Variants in OR2L13 observed in about 807,000 individuals in gnomAD.
OR2L13 encodes olfactory receptor family 2 subfamily L member 13.
A neutral mutation model predicts 15.3 loss-of-function variants in OR2L13; 14 were observed. That is an observed-to-expected ratio of 0.91 (90% CI 0.60 to 1.43). OR2L13 has a LOEUF of 1.43. Among genes scored for constraint, OR2L13 ranks in the 40% most tolerant of loss-of-function variants. The probability of loss-of-function intolerance (pLI) is 0.00; values close to 1 mark genes in which losing one functional copy is unlikely to be tolerated. For synonymous variants in OR2L13, 152 were observed against 142.9 expected (o/e 1.06, Z -0.45); for missense variants, 367 against 387.9 (o/e 0.95, Z 0.45).
chr1:247,964,833 T>A, the OR2L13 span, among the ~76,000 whole-genome samples: 4 of 149,522 alleles, frequency 2.7e-5, no homozygotes, highest in Non-Finnish European at 5.9e-5. Context: ...ATGTTATATA[T>A]TAGCATATAT....
At chr1:248,100,837 T>C in exon 3 of OR2L13, 1 of 167,296 alleles carries the variant, frequency 6.0e-6, no homozygotes. Context: ...TGTATGTGCA[T>C]GTATGGTGTA....
the OR2L13 span, among the ~76,000 whole-genome samples, chr1:248,049,379 G>C: frequency 2.0e-5 from 3 of 152,194 alleles, no homozygotes; most frequent in African/African-American, 7.2e-5. Context: ...TTCTTCATTT[G>C]AAACTTGGGC....
the OR2L13 span, among the ~76,000 whole-genome samples, chr1:247,957,298 T>C: frequency 6.6e-6 from 1 of 152,220 alleles, no homozygotes; most frequent in African/African-American, 2.4e-5. Flanking sequence ...GAAGCCCACT[T>C]GATCATGGTG....
At chr1:248,071,429 C>CTTCAT in the OR2L13 span, among the ~76,000 whole-genome samples, 1 of 152,136 alleles carries the variant, frequency 6.6e-6, no homozygotes, top group African/African-American at 2.4e-5. Context: ...TTCAACAACT[C>CTTCAT]TTCATGCTAA....
the OR2L13 span, among the ~76,000 whole-genome samples, chr1:248,015,835 A>G: frequency 6.6e-6 from 1 of 152,328 alleles, no homozygotes; most frequent in Non-Finnish European, 1.5e-5. Context: ...TTTAAGAGGA[A>G]CAGCCATATT....
At chr1:248,094,933 G>A (rs954687921), upstream of OR2L13, among the ~76,000 whole-genome samples, 1 of 152,182 alleles carries the variant, frequency 6.6e-6, no homozygotes, top group African/African-American at 2.4e-5. Context: ...CTGAAATCAT[G>A]TACTGGAATA....
At chr1:247,965,977 C>T in the OR2L13 span, 2 of 1,610,168 alleles carry the variant, frequency 1.2e-6, no homozygotes, top group Admixed American at 3.3e-5. Flanking sequence ...TACAGTCCTC[C>T]TGAGTGGACT....
the OR2L13 span, among the ~76,000 whole-genome samples, chr1:248,031,257 T>C: frequency 1.3e-5 from 2 of 152,186 alleles, no homozygotes; most frequent in Non-Finnish European, 2.9e-5. Context: ...CTAACAATAA[T>C]ATTATATGGT....
the OR2L13 span, chr1:248,022,087 T>C: frequency 6.2e-7 from 1 of 1,613,802 alleles, no homozygotes; most frequent in Non-Finnish European, 8.5e-7. Flanking sequence ...ATGATTCTTC[T>C]CATCTTCTTG....
At chr1:247,987,829 A>G in the OR2L13 span, among the ~76,000 whole-genome samples, 3 of 152,104 alleles carry the variant, frequency 2.0e-5, no homozygotes, top group African/African-American at 7.2e-5. Context: ...CCACATAAAT[A>G]CATTCCAATT....
the OR2L13 span, among the ~76,000 whole-genome samples, chr1:247,947,010 T>C: frequency 3.3e-5 from 5 of 152,330 alleles, no homozygotes; most frequent in African/African-American, 1.2e-4. Flanking sequence ...TCCCCTCATT[T>C]TTCTATCTTC....
At chr1:247,985,294 G>A in the OR2L13 span, among the ~76,000 whole-genome samples, 2 of 150,766 alleles carry the variant, frequency 1.3e-5, no homozygotes, top group African/African-American at 4.9e-5. Flanking sequence ...GGTGTGTGAT[G>A]TTCCCCTTCC....
chr1:248,008,213 A>G, the OR2L13 span, among the ~76,000 whole-genome samples: 1 of 152,072 alleles, frequency 6.6e-6, no homozygotes, highest in Non-Finnish European at 1.5e-5. Context: ...TTAAGAATTA[A>G]CCCTTATTTT....
the OR2L13 span, among the ~76,000 whole-genome samples, chr1:248,001,208 A>T: frequency 6.6e-6 from 1 of 152,148 alleles, no homozygotes; most frequent in South Asian, 2.1e-4. Flanking sequence ...TGGCGATACC[A>T]ATCTGAAGAG....
At chr1:248,018,760 AT>A in the OR2L13 span, among the ~76,000 whole-genome samples, 29 of 152,198 alleles carry the variant, frequency 1.9e-4, 1 homozygote, top group African/African-American at 7.0e-4. Context: ...GAACAGTTTC[AT>A]TTTCTCCAAC....
chr1:248,055,877 T>C, the OR2L13 span: 1 of 151,954 alleles, frequency 6.6e-6, no homozygotes, highest in African/African-American at 2.4e-5. Context: ...CTGGTAGAAT[T>C]CAGCTGTAAT....
At chr1:247,988,542 G>C in the OR2L13 span, among the ~76,000 whole-genome samples, 1 of 152,104 alleles carries the variant, frequency 6.6e-6, no homozygotes, top group African/African-American at 2.4e-5. Context: ...GTGTATTGAT[G>C]TTTAAGTGAG....
chr1:247,957,748 C>T, the OR2L13 span, among the ~76,000 whole-genome samples: 2 of 152,132 alleles, frequency 1.3e-5, no homozygotes, highest in African/African-American at 4.8e-5. Context: ...TTGTAGTATT[C>T]TCTGATGGTA....
the OR2L13 span, chr1:247,948,963 A>G: frequency 2.5e-6 from 4 of 1,613,818 alleles, no homozygotes; most frequent in Admixed American, 1.7e-5. Flanking sequence ...CATTTTCCTG[A>G]TGGCTCTAAT....
Sources: allele counts gnomAD v4.1 joint callset (sites outside exome capture counted in the v4.1 genomes callset), GRCh38; gene constraint gnomAD v4.1.1; transcripts MANE v1.5; gene names NCBI Gene and HGNC (gene_info 2026-07-23, HGNC 2026-07-21).